The following GTF2A1L variants were observed in gnomAD, a reference collection of about 807,000 sequenced individuals.
GTF2A1L encodes the protein general transcription factor IIA subunit 1 like, also known as TFIIA-alpha and beta-like factor.
GTF2A1L carries 48 observed loss-of-function variants against 49.7 expected under a neutral mutation model. The ratio of observed to expected loss-of-function variants is 0.97; its 90% CI spans 0.77 to 1.23. The LOEUF (loss-of-function observed/expected upper bound fraction) is 1.23. Among genes scored for constraint, GTF2A1L ranks in the 50% most tolerant of loss-of-function variants. The pLI is 0.00. For missense variants in GTF2A1L, 736 were observed against 564.8 expected (o/e 1.30, Z -3.07); for synonymous variants, 246 against 193.5 (o/e 1.27, Z -2.25).
At chr2:48,625,287 T>C (rs1314628815) in intron 3 of GTF2A1L, among the ~76,000 whole-genome samples, 1 of 143,924 alleles carries the variant, frequency 6.9e-6, no homozygotes, top group Non-Finnish European at 1.6e-5. Context: ...AATGCAGTTT[T>C]GACTTATATT....
At chr2:48,671,332 A>G (rs950180133) in intron 7 of GTF2A1L, among the ~76,000 whole-genome samples, 3 of 152,000 alleles carry the variant, frequency 2.0e-5, no homozygotes, top group Non-Finnish European at 2.9e-5. Flanking sequence ...TCTCCCAAGT[A>G]GCTGGGATTA....
intron 4 of GTF2A1L, among the ~76,000 whole-genome samples, chr2:48,642,665 G>A (rs1205179600): frequency 1.3e-5 from 2 of 152,142 alleles, no homozygotes; most frequent in Admixed American, 6.5e-5. Flanking sequence ...GACCAGCCTG[G>A]CCAACATGGC....
intron 6 of GTF2A1L, among the ~76,000 whole-genome samples, chr2:48,657,544 A>G (rs913914849): frequency 6.6e-6 from 1 of 152,186 alleles, no homozygotes; most frequent in African/African-American, 2.4e-5. Context: ...TGCTATTGTG[A>G]ATAGTACTTC....
At chr2:48,667,510 C>G (rs1358347790) in intron 6 of GTF2A1L, among the ~76,000 whole-genome samples, 1 of 151,916 alleles carries the variant, frequency 6.6e-6, no homozygotes, top group Admixed American at 6.6e-5. Context: ...GGCTGTGGGC[C>G]CTCTAAGATT....
At chr2:48,659,897 T>G (rs1314818718) in intron 6 of GTF2A1L, among the ~76,000 whole-genome samples, 1 of 152,162 alleles carries the variant, frequency 6.6e-6, no homozygotes, top group Non-Finnish European at 1.5e-5. Context: ...ACTTTAGAAT[T>G]TTCTACATAT....
At chr2:48,651,436 CT>C (rs397984530) in intron 6 of GTF2A1L, among the ~76,000 whole-genome samples, 24,698 of 130,778 alleles carry the variant, frequency 0.19, 2,275 homozygotes, top group South Asian at 0.26. Flanking sequence ...GTTGTGAGTT[CT>C]TTTTTTTTTT....
intron 6 of GTF2A1L, among the ~76,000 whole-genome samples, chr2:48,649,104 C>G (rs1677702716): frequency 6.6e-6 from 1 of 152,106 alleles, no homozygotes. Flanking sequence ...GCTTTTAATT[C>G]TGCCCCTTGT....
intron 6 of GTF2A1L, among the ~76,000 whole-genome samples, chr2:48,658,439 C>G (rs1678301772): frequency 6.6e-6 from 1 of 152,178 alleles, no homozygotes. Flanking sequence ...TCTAAGTTCT[C>G]TATTCTGTTC....
chr2:48,649,769 A>G (rs1677743542), intron 6 of GTF2A1L, among the ~76,000 whole-genome samples: 1 of 152,156 alleles, frequency 6.6e-6, no homozygotes, highest in Non-Finnish European at 1.5e-5. Flanking sequence ...TATAATAAAT[A>G]AACTTCAGGC....
At chr2:48,661,245 A>G (rs1346959470) in intron 6 of GTF2A1L, among the ~76,000 whole-genome samples, 1 of 112,776 alleles carries the variant, frequency 8.9e-6, no homozygotes, top group Non-Finnish European at 1.7e-5. Flanking sequence ...TGCATCCCCA[A>G]ACTTTTTTTT....
At chr2:48,660,176 T>C (rs990212374) in intron 6 of GTF2A1L, among the ~76,000 whole-genome samples, 3 of 152,158 alleles carry the variant, frequency 2.0e-5, no homozygotes, top group Admixed American at 1.3e-4. Flanking sequence ...AATGTGCTAT[T>C]ATATCTATTT....
At chr2:48,650,244 A>C (rs1465143738) in intron 6 of GTF2A1L, among the ~76,000 whole-genome samples, 1 of 152,196 alleles carries the variant, frequency 6.6e-6, no homozygotes, top group African/African-American at 2.4e-5. Context: ...GATAGGATCT[A>C]GAATTACGTT....
At chr2:48,643,897 C>T (rs1677346158) in intron 4 of GTF2A1L, among the ~76,000 whole-genome samples, 1 of 151,990 alleles carries the variant, frequency 6.6e-6, no homozygotes, top group Non-Finnish European at 1.5e-5. Context: ...TGGGGTTTCA[C>T]CATGTTGGCC....
At chr2:48,635,486 C>T (rs1452439204) in intron 3 of GTF2A1L, among the ~76,000 whole-genome samples, 3 of 152,036 alleles carry the variant, frequency 2.0e-5, no homozygotes, top group Non-Finnish European at 2.9e-5. Context: ...CCCAGGGGAA[C>T]AGCAGGGGCA....
intron 8 of GTF2A1L, among the ~76,000 whole-genome samples, 191 bp from the exon 9 acceptor site, chr2:48,679,144 C>G (rs559851818): frequency 8.3e-4 from 126 of 151,812 alleles, no homozygotes; most frequent in African/African-American, 3.0e-3. Flanking sequence ...TAATATATTT[C>G]CAGTGCCTAA....
chr2:48,620,718 A>C (rs980059628), intron 1 of GTF2A1L, 133 bp from the exon 2 acceptor site: 6 of 407,996 alleles, frequency 1.5e-5, no homozygotes, highest in African/African-American at 2.2e-5. Flanking sequence ...TGGAAATTGC[A>C]GTGAACTGAG....
At chr2:48,618,840 T>C (rs879548939) in intron 1 of GTF2A1L, among the ~76,000 whole-genome samples, 31 of 152,178 alleles carry the variant, frequency 2.0e-4, no homozygotes, top group Non-Finnish European at 4.0e-4. Flanking sequence ...AAGTCTGTGG[T>C]CATAGAAGAG....
chr2:48,644,903 T>C (rs1326428111), intron 4 of GTF2A1L, 130 bp from the exon 5 acceptor site: 1 of 717,114 alleles, frequency 1.4e-6, no homozygotes, highest in African/African-American at 1.8e-5. Context: ...AACTCAGCCC[T>C]AATATTAAAT....
At chr2:48,643,893 T>C (rs1332992795) in intron 4 of GTF2A1L, among the ~76,000 whole-genome samples, 3 of 149,914 alleles carry the variant, frequency 2.0e-5, no homozygotes, top group Non-Finnish European at 4.4e-5. Flanking sequence ...GAGATGGGGT[T>C]TCACCATGTT....
Sources: gnomAD v4.1 joint callset for allele counts (sites outside exome capture counted in the v4.1 genomes callset) on GRCh38, gnomAD v4.1.1 for gene constraint, MANE v1.5 for transcripts, NCBI Gene and HGNC (gene_info 2026-07-23, HGNC 2026-07-21) for gene names.